Variants in LRP1B observed in about 807,000 individuals in gnomAD.
The protein encoded by LRP1B is LDL receptor related protein 1B, also known as low-density lipoprotein receptor-related protein 1B.
In LRP1B, 217 loss-of-function variants were observed where a neutral mutation model predicts 556.6. That is an observed-to-expected ratio of 0.39 (90% CI 0.35 to 0.44). LRP1B has a LOEUF of 0.44. Among genes scored for constraint, LRP1B ranks in the 20% least tolerant of loss-of-function variants. LRP1B has a pLI of 1.00. For missense variants in LRP1B, 5,053 were observed against 5,620.8 expected (o/e 0.90, Z 3.23); for synonymous variants, 2,047 against 1,865.8 (o/e 1.10, Z -2.50).
intron 86 of LRP1B, among the ~76,000 whole-genome samples, chr2:140,250,666 TATGAAAA>T (rs1156290146): frequency 6.6e-6 from 1 of 151,694 alleles, no homozygotes; most frequent in Non-Finnish European, 1.5e-5. Flanking sequence ...GAATAATGAT[TATGAAAA>T]ATGAGAAATG....
intron 75 of LRP1B, 82 bp from the exon 76 acceptor site, chr2:140,353,154 T>C: frequency 2.8e-6 from 4 of 1,451,390 alleles, no homozygotes; most frequent in Non-Finnish European, 3.8e-6. Context: ...AAAGCCAAAA[T>C]TATTTTTAAC....
At chr2:141,414,579 TG>T (rs1691016246) in intron 3 of LRP1B, among the ~76,000 whole-genome samples, 1 of 152,220 alleles carries the variant, frequency 6.6e-6, no homozygotes, top group Non-Finnish European at 1.5e-5. Flanking sequence ...AGTGCAGGCA[TG>T]ATATCAAAGC....
rs73964727 is a variant in LRP1B at position 140,866,563 on chromosome 2, G to A, written c.4579+1027C>T. On this transcript the variant is annotated intron_variant, in intron 27 of 90. Coordinates refer to ENST00000389484, the MANE Select transcript of LRP1B (RefSeq NM_018557.3). Reference sequence around the variant, plus strand: ...TAGAAACTCCCATGTAGCAAAGAAGGATCAATTATGTAAGAAAATAGAAAC... The same window carrying A: ...TAGAAACTCCCATGTAGCAAAGAAGAATCAATTATGTAAGAAAATAGAAAC... 3.9e-3 allele frequency among the ~76,000 whole-genome samples: 598 copies of A among 152,084 alleles called. 4 individuals carry two copies. The highest frequency in any genetic ancestry group is 0.013 in the African/African-American group (537 of 41,522).
intron 2 of LRP1B, among the ~76,000 whole-genome samples, chr2:141,631,104 A>G (rs1361682822): frequency 1.3e-5 from 2 of 152,166 alleles, no homozygotes; most frequent in African/African-American, 2.4e-5. Context: ...GAAACTTACA[A>G]TCATGGCAGA....
At chr2:141,730,508 T>C (rs1367464655) in intron 2 of LRP1B, among the ~76,000 whole-genome samples, 1 of 152,174 alleles carries the variant, frequency 6.6e-6, no homozygotes, top group East Asian at 1.9e-4. Context: ...TTGTCTACAT[T>C]TGAAGGCTAC....
intron 2 of LRP1B, among the ~76,000 whole-genome samples, chr2:141,633,682 T>C (rs772188413): frequency 2.0e-5 from 3 of 152,066 alleles, no homozygotes; most frequent in Non-Finnish European, 2.9e-5. Flanking sequence ...TTCGCAGTGT[T>C]GTGCAACTAT....
At chr2:140,611,764 A>T (rs1683080502) in intron 41 of LRP1B, among the ~76,000 whole-genome samples, 1 of 152,124 alleles carries the variant, frequency 6.6e-6, no homozygotes, top group Admixed American at 6.5e-5. Flanking sequence ...AGTCCAAATT[A>T]CATACACATA....
At chr2:140,828,267 T>G (rs979054200) in intron 31 of LRP1B, among the ~76,000 whole-genome samples, 6 of 152,188 alleles carry the variant, frequency 3.9e-5, no homozygotes, top group Non-Finnish European at 5.9e-5. Flanking sequence ...AAGTCCTTAC[T>G]TATCAAAAAT....
intron 3 of LRP1B, among the ~76,000 whole-genome samples, chr2:141,397,757 T>C (rs1690295391): frequency 6.6e-6 from 1 of 151,412 alleles, no homozygotes; most frequent in African/African-American, 2.4e-5. Context: ...GACATTGTGC[T>C]GAAGGCTGGT....
chr2:141,029,678 C>T (rs1453146653), intron 11 of LRP1B, among the ~76,000 whole-genome samples: 4 of 152,224 alleles, frequency 2.6e-5, no homozygotes, highest in Admixed American at 6.5e-5. Context: ...CTGAGACTCC[C>T]GGGCAGGGTA....
intron 1 of LRP1B, among the ~76,000 whole-genome samples, chr2:141,886,223 G>A (rs1699105206): frequency 6.6e-6 from 1 of 152,082 alleles, no homozygotes; most frequent in Non-Finnish European, 1.5e-5. Flanking sequence ...AAGGTTAAGT[G>A]GGTAGGACTA....
At chr2:141,794,671 A>C (rs1695740910) in intron 2 of LRP1B, among the ~76,000 whole-genome samples, 1 of 152,034 alleles carries the variant, frequency 6.6e-6, no homozygotes, top group Non-Finnish European at 1.5e-5. Flanking sequence ...TCTATTCTCC[A>C]CACATAACAG....
chr2:141,569,468 G>A (rs542570177), intron 2 of LRP1B, among the ~76,000 whole-genome samples: 10 of 151,248 alleles, frequency 6.6e-5, no homozygotes, highest in African/African-American at 2.2e-4. Flanking sequence ...ATCAGGAGAG[G>A]TTTATCTGGG....
chr2:141,557,096 A>G (rs2105240642), intron 2 of LRP1B, among the ~76,000 whole-genome samples: 1 of 151,936 alleles, frequency 6.6e-6, no homozygotes, highest in Non-Finnish European at 1.5e-5. Flanking sequence ...ACACACGGTA[A>G]AAGGGGAATA....
At chr2:140,920,407 A>G (rs1297228374) in intron 21 of LRP1B, among the ~76,000 whole-genome samples, 1 of 152,098 alleles carries the variant, frequency 6.6e-6, no homozygotes. Flanking sequence ...TAATTACCAT[A>G]TATAAATTAA....
chr2:142,053,569 A>G (rs1348892753), intron 1 of LRP1B, among the ~76,000 whole-genome samples: 1 of 152,192 alleles, frequency 6.6e-6, no homozygotes, highest in East Asian at 1.9e-4. Context: ...CACAACATTT[A>G]CTTCACCAGT....
chr2:140,849,625 C>T (rs998515548), intron 29 of LRP1B, among the ~76,000 whole-genome samples: 6 of 151,812 alleles, frequency 4.0e-5, no homozygotes, highest in African/African-American at 7.3e-5. Context: ...CTGCAACCTC[C>T]GCCTGCCAGG....
In LRP1B at chr2:141,062,033, T is replaced by C; in HGVS notation, c.1236+18A>G. 6.2e-7 allele frequency: 1 copy of C among 1,601,188 alleles called. No individual in the cohort carries two copies. Among genetic ancestry groups the C allele is most frequent in the Non-Finnish European group, 8.6e-7 (1 of 1,169,146 alleles). On this transcript the variant is annotated intron_variant, in intron 8 of 90. Coordinates refer to ENST00000389484, the MANE Select transcript of LRP1B (RefSeq NM_018557.3). The stretch of plus-strand genomic sequence containing the variant: ...TTTTTATTACCCTAGGAGCGTTGTC[T>C]AACAAAATTGTACTTACTTGTCTGC...
intron 1 of LRP1B, among the ~76,000 whole-genome samples, chr2:142,093,387 A>G (rs1310334579): frequency 6.6e-6 from 1 of 152,106 alleles, no homozygotes; most frequent in Non-Finnish European, 1.5e-5. Context: ...ATTAACCTTT[A>G]TCTTACTTTG....
Sources: allele counts gnomAD v4.1 joint callset (sites outside exome capture counted in the v4.1 genomes callset), GRCh38; gene constraint gnomAD v4.1.1; transcripts MANE v1.5; gene names NCBI Gene and HGNC (gene_info 2026-07-23, HGNC 2026-07-21).